SLC24A3: variants seen among roughly 807,000 people sequenced by gnomAD.
SLC24A3 encodes the protein solute carrier family 24 member 3.
In SLC24A3, 28 loss-of-function variants were observed where a neutral mutation model predicts 75.8. The ratio of observed to expected loss-of-function variants is 0.37; its 90% CI spans 0.27 to 0.51. The LOEUF (loss-of-function observed/expected upper bound fraction) is 0.51, where lower values mean the gene tolerates loss of function less well. Among genes scored for constraint, SLC24A3 ranks in the 20% least tolerant of loss-of-function variants. The pLI, the probability that SLC24A3 is intolerant of heterozygous loss-of-function variation, is 0.94. For synonymous variants in SLC24A3, 372 were observed against 334.1 expected, an observed-to-expected ratio of 1.11 and a Z score of -1.24; for missense variants, 663 against 847.8, an observed-to-expected ratio of 0.78 and a Z score of 2.71.
chr20:19,214,159 C>A (rs1486812225), intron 1 of SLC24A3, among the ~76,000 whole-genome samples: 2 of 152,240 alleles, frequency 1.3e-5, no homozygotes, highest in Admixed American at 1.3e-4. Context: ...CGTCAGTCTT[C>A]ATTCAGTCTT....
At chr20:19,368,626 G>A (rs1600451292) in intron 2 of SLC24A3, among the ~76,000 whole-genome samples, 1 of 152,212 alleles carries the variant, frequency 6.6e-6, no homozygotes, top group African/African-American at 2.4e-5. Context: ...CATTCCATCT[G>A]CAGTCTCTGG....
At chr20:19,424,303 C>T (rs937168633) in intron 2 of SLC24A3, among the ~76,000 whole-genome samples, 1 of 152,124 alleles carries the variant, frequency 6.6e-6, no homozygotes, top group East Asian at 1.9e-4. Context: ...CATGGATTCC[C>T]AACTTGTTAA....
At chr20:19,688,323 G>C (rs146923425) in intron 12 of SLC24A3, among the ~76,000 whole-genome samples, 1 of 152,214 alleles carries the variant, frequency 6.6e-6, no homozygotes, top group Non-Finnish European at 1.5e-5. Context: ...GTTCTTCTAA[G>C]ATGCGGGAAA....
At chr20:19,371,592 C>T (rs1985993587) in intron 2 of SLC24A3, among the ~76,000 whole-genome samples, 1 of 152,132 alleles carries the variant, frequency 6.6e-6, no homozygotes. Flanking sequence ...GGTAATAAAC[C>T]CCACCACCCC....
intron 3 of SLC24A3, among the ~76,000 whole-genome samples, chr20:19,554,180 T>C (rs190038256): frequency 6.6e-6 from 1 of 152,284 alleles, no homozygotes; most frequent in African/African-American, 2.4e-5. Context: ...ACACATGAGA[T>C]GGCAAACAGG....
intron 9 of SLC24A3, among the ~76,000 whole-genome samples, chr20:19,678,795 T>A (rs1386911846): frequency 7.1e-6 from 1 of 140,870 alleles, no homozygotes; most frequent in African/African-American, 2.7e-5. Context: ...ACGGGGCGGT[T>A]GCCGGGCGGA....
At chr20:19,630,816 A>T (rs1457205039) in intron 6 of SLC24A3, among the ~76,000 whole-genome samples, 2 of 152,230 alleles carry the variant, frequency 1.3e-5, no homozygotes, top group Non-Finnish European at 2.9e-5. Flanking sequence ...GGCCAGGATG[A>T]AAACATACCC....
chr20:19,449,261 G>C (rs1354193137), intron 2 of SLC24A3, among the ~76,000 whole-genome samples: 1 of 152,228 alleles, frequency 6.6e-6, no homozygotes, highest in Non-Finnish European at 1.5e-5. Context: ...CAGGGACTGA[G>C]CAGCTTTGCG....
intron 6 of SLC24A3, among the ~76,000 whole-genome samples, chr20:19,615,426 G>A (rs75602217): frequency 7.2e-5 from 11 of 152,090 alleles, no homozygotes; most frequent in African/African-American, 2.7e-4. Context: ...CATAATGCTG[G>A]CATCTGTTCT....
chr20:19,576,821 A>G (rs1568661034), intron 3 of SLC24A3, among the ~76,000 whole-genome samples: 3 of 152,102 alleles, frequency 2.0e-5, no homozygotes. Context: ...CAGTGAGTTG[A>G]ATATGTCAGC....
At chr20:19,712,347 TG>T (rs1171936437) in intron 15 of SLC24A3, among the ~76,000 whole-genome samples, 2 of 152,042 alleles carry the variant, frequency 1.3e-5, no homozygotes, top group African/African-American at 4.8e-5. Context: ...GCCAGGCATC[TG>T]CCCTCTGAGC....
At chr20:19,675,638 C>A (rs897947559) in intron 9 of SLC24A3, among the ~76,000 whole-genome samples, 3 of 152,232 alleles carry the variant, frequency 2.0e-5, no homozygotes, top group Non-Finnish European at 2.9e-5. Context: ...TAGAGTAGGA[C>A]CTTAGTCATA....
At chr20:19,413,128 G>C (rs747966689) in intron 2 of SLC24A3, among the ~76,000 whole-genome samples, 1 of 152,144 alleles carries the variant, frequency 6.6e-6, no homozygotes, top group African/African-American at 2.4e-5. Context: ...CTACTTAGTC[G>C]TTGAGAAAGA....
Position 19,673,602 on chromosome 20 carries a change from T to C in SLC24A3, c.715T>C (p.Trp239Arg). The C allele has an allele frequency of 6.2e-7, 1 of 1,614,010 alleles. No homozygotes were observed. Among genetic ancestry groups the C allele is most frequent in the African/African-American group, 1.3e-5 (1 of 75,068 alleles). Residue 239 changes from tryptophan to arginine, a missense_variant and splice_region_variant, in exon 9 of 17, where the codon TGG becomes CGG. Around this residue, in one of 2 missense-constraint regions of SLC24A3, gnomAD observed 510 missense variants for 703.6 expected, o/e 0.72. Coordinates refer to ENST00000328041, the MANE Select transcript of SLC24A3 (RefSeq NM_020689.4). ...TAACTGTTCTTGGTTTACACACAGGTGGGAGTCTTTAGTCCTTGTGCTGAT... is the reference window on the plus strand; with the variant it reads ...TAACTGTTCTTGGTTTACACACAGGCGGGAGTCTTTAGTCCTTGTGCTGAT... ...VFIYDEKVSW[W>R]ESLVLVLMYL...
At chr20:19,539,471 A>G (rs1568649543) in intron 3 of SLC24A3, among the ~76,000 whole-genome samples, 1 of 152,188 alleles carries the variant, frequency 6.6e-6, no homozygotes, top group Admixed American at 6.5e-5. Flanking sequence ...CCTGCCTGCA[A>G]TTCTGCTGAC....
At chr20:19,237,204 T>G (rs1477308722) in intron 1 of SLC24A3, among the ~76,000 whole-genome samples, 1 of 152,190 alleles carries the variant, frequency 6.6e-6, no homozygotes, top group Non-Finnish European at 1.5e-5. Context: ...CTTCTGAAGT[T>G]CCTTCTGCCA....
intron 15 of SLC24A3, among the ~76,000 whole-genome samples, chr20:19,703,630 G>A (rs531114742): frequency 2.4e-4 from 37 of 152,294 alleles, no homozygotes; most frequent in African/African-American, 8.7e-4. Context: ...TAAGCATCAA[G>A]TGTATGATCT....
At chr20:19,687,613 A>C (rs1229556307) in intron 12 of SLC24A3, among the ~76,000 whole-genome samples, 2 of 152,218 alleles carry the variant, frequency 1.3e-5, no homozygotes, top group Non-Finnish European at 2.9e-5. Flanking sequence ...TCTGTAAGTG[A>C]CCAAGTTCTA....
At chr20:19,513,130 C>T (rs1221961194) in intron 2 of SLC24A3, among the ~76,000 whole-genome samples, 1 of 152,220 alleles carries the variant, frequency 6.6e-6, no homozygotes, top group East Asian at 1.9e-4. Context: ...AAGCCTATTG[C>T]TTCTCCTCCA....
Sources: allele counts gnomAD v4.1 joint callset (sites outside exome capture counted in the v4.1 genomes callset), GRCh38; gene constraint gnomAD v4.1.1; regional missense constraint gnomAD v4.1.1; transcripts MANE v1.5; gene names NCBI Gene and HGNC (gene_info 2026-07-23, HGNC 2026-07-21).